The following PCDHAC1 variants were observed in gnomAD, a reference collection of about 807,000 sequenced individuals.
PCDHAC1 encodes the protein protocadherin alpha-C1.
In PCDHAC1, 42 loss-of-function variants were observed where a neutral mutation model predicts 60.0. The observed-to-expected ratio is 0.70, with a 90% confidence interval of 0.55 to 0.90. PCDHAC1 has a LOEUF of 0.90. Among genes scored for constraint, PCDHAC1 ranks in the 40% least tolerant of loss-of-function variants. PCDHAC1 has a pLI of 0.00. For missense variants in PCDHAC1, 1,160 were observed against 1,222.3 expected (o/e 0.95, Z 0.76); for synonymous variants, 468 against 499.3 (o/e 0.94, Z 0.84).
Position 141,010,190 on chromosome 5 carries a change from C to G in PCDHAC1, c.*253C>G. On this transcript the variant is annotated 3_prime_UTR_variant, in exon 4 of 4. Transcript: ENST00000253807. ...GAACCTAAAAAGCAGACCCAAGTTT[C>G]CTTTCTCCTCCGCCGCAAAGGAGAG... 1 of 1,552,504 alleles carries G rather than the reference C, an allele frequency of 6.4e-7. No individual in the cohort carries two copies. Among genetic ancestry groups the G allele is most frequent in the East Asian group, 2.4e-5 (1 of 40,930 alleles).
intron 1 of PCDHAC1, among the ~76,000 whole-genome samples, chr5:140,937,400 T>A (rs1210509586): frequency 6.6e-6 from 1 of 152,224 alleles, no homozygotes; most frequent in Non-Finnish European, 1.5e-5. Flanking sequence ...ATAGGGGTAT[T>A]GCACAACTTT....
intron 1 of PCDHAC1, among the ~76,000 whole-genome samples, chr5:140,938,620 C>G (rs571731816): frequency 1.3e-5 from 2 of 152,172 alleles, no homozygotes; most frequent in African/African-American, 4.8e-5. Context: ...GGAATAAACT[C>G]AGGTTGCTTA....
intron 2 of PCDHAC1, among the ~76,000 whole-genome samples, chr5:140,980,822 T>A (rs1433488208): frequency 6.6e-6 from 1 of 152,204 alleles, no homozygotes; most frequent in Non-Finnish European, 1.5e-5. Flanking sequence ...ACATATTAAA[T>A]GAGTTGTGAA....
chr5:140,968,301 A>G (rs886575781), intron 1 of PCDHAC1: 9 of 1,613,914 alleles, frequency 5.6e-6, no homozygotes, highest in Non-Finnish European at 7.6e-6. Flanking sequence ...CTGGAGAGGG[A>G]GATTCAAGGG....
At position 140,929,179 on chromosome 5, in the gene PCDHAC1, G is replaced by C; in HGVS notation, c.2287G>C (p.Gly763Arg). The C allele has an allele frequency of 6.2e-7, 1 of 1,614,104 alleles. No homozygotes were observed. ...TCTCTATCGGGCCTCTCTGGGACTT[G>C]GTTCTGATAATAACAGTTTGCTGTT... The part of the protein sequence containing the change: ...TYLYRASLGL[G>R]SDNNSLLLRG... Residue 763 changes from glycine to arginine, a missense_variant, in exon 1 of 4, where the codon GGT (glycine) becomes CGT (arginine). Coordinates refer to ENST00000253807, the MANE Select transcript of PCDHAC1 (RefSeq NM_018898.5).
At chr5:140,945,000 G>T (rs980802301) in intron 1 of PCDHAC1, among the ~76,000 whole-genome samples, 2 of 151,862 alleles carry the variant, frequency 1.3e-5, no homozygotes. Flanking sequence ...AACGGTTGTG[G>T]GTCATGAATT....
At chr5:140,954,968 G>T (rs531304394) in intron 1 of PCDHAC1, among the ~76,000 whole-genome samples, 4 of 152,200 alleles carry the variant, frequency 2.6e-5, no homozygotes, top group African/African-American at 9.6e-5. Context: ...TAAGGAAAGG[G>T]TCCAGTTTCA....
chr5:140,967,608 C>T, intron 1 of PCDHAC1: 1 of 1,614,160 alleles, frequency 6.2e-7, no homozygotes, highest in Non-Finnish European at 8.5e-7. Flanking sequence ...AAGCTGAATG[C>T]CTCAGACCCG....
chr5:140,939,758 T>G (rs2092452335), intron 1 of PCDHAC1, among the ~76,000 whole-genome samples: 1 of 152,234 alleles, frequency 6.6e-6, no homozygotes, highest in Non-Finnish European at 1.5e-5. Context: ...TGTCATTATA[T>G]AGTATTTCAG....
chr5:140,978,545 T>C (rs1478928718), intron 1 of PCDHAC1, among the ~76,000 whole-genome samples: 2 of 152,258 alleles, frequency 1.3e-5, no homozygotes, highest in Non-Finnish European at 2.9e-5. Context: ...TGTGTAGCCA[T>C]GTGCCCTGTT....
rs533995955 is a variant in PCDHAC1, at chr5:140,975,833, A to T, written c.2434-3116A>T. On this transcript the variant is annotated intron_variant, in intron 1 of 3. Coordinates refer to ENST00000253807, the MANE Select transcript of PCDHAC1 (RefSeq NM_018898.5). ...TTAATAGGAACTGAAGTGTATTCTT[A>T]TTCTTCAGTAATACTACATCACCCA... 2.6e-5 allele frequency among the ~76,000 whole-genome samples: 4 copies of T among 152,336 alleles called. No individual in the cohort carries two copies. In the South Asian group the frequency reaches 8.3e-4, roughly 32 times the overall value.
In PCDHAC1 at chr5:140,982,557, A is replaced by G. The variant is rs199851685; in HGVS notation, c.2575A>G (p.Thr859Ala). 6.2e-7 allele frequency: 1 copy of G among 1,614,138 alleles called. No homozygotes were observed. The highest frequency in any genetic ancestry group is 1.7e-5 in the Admixed American group (1 of 60,030). The change falls in exon 3 of 4, where the codon ACA becomes GCA. Residue 859 changes from threonine (T) to alanine (A), a missense_variant. Physicochemically the swap from Thr to Ala is moderately conservative, Grantham distance 58. Transcript: ENST00000253807. ...GCAGTGGCCAACAGTATCCAGTGCAACACCAGGTAAAGAGCTGGGGTCTCT... is the reference window on the plus strand; with the variant it reads ...GCAGTGGCCAACAGTATCCAGTGCAGCACCAGGTAAAGAGCTGGGGTCTCT... Reference protein sequence around the residue: ...DQQWPTVSSATPEPEAGEVSP... With the variant: ...DQQWPTVSSAAPEPEAGEVSP...
chr5:140,963,151 A>G (rs544176369), intron 1 of PCDHAC1, among the ~76,000 whole-genome samples: 2 of 152,326 alleles, frequency 1.3e-5, no homozygotes, highest in South Asian at 4.1e-4. Context: ...ATGAATTTAA[A>G]AATGACACAT....
rs782661477 is a variant in PCDHAC1 at position 140,927,516 on chromosome 5, C to G, written c.624C>G (p.Gly208=). Residue 208 remains glycine, a synonymous_variant, in exon 1 of 4, where the codon GGC becomes GGG. Coordinates refer to ENST00000253807, the MANE Select transcript of PCDHAC1 (RefSeq NM_018898.5). ...TGCTGGTGCTTACAGCTCGGGACGG[C>G]GGGCTACCTGCCCGCTCAGGAGACG... The part of the protein sequence containing the change: ...THLLVLTARD[G]GLPARSGDAQ... 22 of 1,614,066 alleles carry G rather than the reference C, an allele frequency of 1.4e-5. No homozygotes were observed. The highest frequency in any genetic ancestry group is 1.8e-5 in the Non-Finnish European group (21 of 1,180,032).
At position 140,928,541 on chromosome 5, in the gene PCDHAC1, A is replaced by G. The variant is rs149868042; in HGVS notation, c.1649A>G (p.Asp550Gly). Residue 550 changes from aspartate to glycine, a missense_variant, in exon 1 of 4, where the codon GAC becomes GGC. Physicochemically the swap from Asp to Gly is moderately conservative, Grantham distance 94 (BLOSUM62 -1). This residue lies in a region of PCDHAC1 where 1,113 missense variants were observed against 1,163.7 expected (regional missense o/e 0.96). Transcript: ENST00000253807. ...AACTTGTTTGTGGTAGATAGGAATG[A>G]CAATTATCCGGTTATCTTGTTTCCC... ...TINLFVVDRNDNYPVILFPLP... is the reference protein window; with the variant it reads ...TINLFVVDRNGNYPVILFPLP... 2 of 1,614,192 alleles carry G rather than the reference A, an allele frequency of 1.2e-6. No homozygotes were observed. Among genetic ancestry groups the G allele is most frequent in the African/African-American group, 1.3e-5 (1 of 75,044 alleles).
intron 1 of PCDHAC1, among the ~76,000 whole-genome samples, chr5:140,958,025 A>G (rs920360369): frequency 1.3e-5 from 2 of 152,150 alleles, no homozygotes; most frequent in Non-Finnish European, 2.9e-5. Flanking sequence ...CAAGTATACT[A>G]TGCTTTCTTT....
chr5:140,930,917 G>A (rs528997377), intron 1 of PCDHAC1, among the ~76,000 whole-genome samples: 3 of 152,272 alleles, frequency 2.0e-5, no homozygotes, highest in African/African-American at 7.2e-5. Context: ...TACTTTAGAT[G>A]TGTATATGTG....
intron 3 of PCDHAC1, among the ~76,000 whole-genome samples, chr5:140,994,980 C>A (rs1311252472): frequency 4.6e-5 from 7 of 151,992 alleles, no homozygotes; most frequent in Admixed American, 1.3e-4. Flanking sequence ...CCATGGAGAC[C>A]CACTAGAAGG....
chr5:140,966,385 G>C (rs1486179807), intron 1 of PCDHAC1: 1 of 405,050 alleles, frequency 2.5e-6, no homozygotes, highest in East Asian at 3.6e-5. Flanking sequence ...CGGGTTCGCT[G>C]TCCGCCACTT....
Sources: gnomAD v4.1 joint callset for allele counts (sites outside exome capture counted in the v4.1 genomes callset) on GRCh38, gnomAD v4.1.1 for gene constraint, gnomAD v4.1.1 regional missense constraint, MANE v1.5 for transcripts, NCBI Gene and HGNC (gene_info 2026-07-23, HGNC 2026-07-21) for gene names.